The following ENTPD7 variants were observed in gnomAD, a reference collection of about 807,000 sequenced individuals.
ENTPD7 encodes NTPDase 7.
ENTPD7 carries 53 observed loss-of-function variants against 77.9 expected under a neutral mutation model. The ratio of observed to expected loss-of-function variants is 0.68; its 90% CI spans 0.55 to 0.85. The LOEUF is 0.85. ENTPD7 is among the 40% of genes least tolerant of loss of function. The pLI is 0.00. For synonymous variants in ENTPD7, 248 were observed against 274.9 expected, an observed-to-expected ratio of 0.90 and a Z score of 0.97; for missense variants, 636 against 743.7, an observed-to-expected ratio of 0.86 and a Z score of 1.68.
Position 99,704,432 on chromosome 10 carries a change from A to G in ENTPD7, c.1584-20A>G, listed in dbSNP as rs1564638012. ...AACTTAACAGTTTTTTCCACCTACA[A>G]ATTCTTAATTCTTCCCTAGGGATCT... On this transcript the variant is annotated intron_variant, in intron 12 of 12. Coordinates refer to ENST00000370489, the MANE Select transcript of ENTPD7 (RefSeq NM_020354.5). 6.2e-7 allele frequency: 1 copy of G among 1,613,506 alleles called. No individual in the cohort carries two copies. The highest frequency in any genetic ancestry group is 8.5e-7 in the Non-Finnish European group (1 of 1,179,524).
At chr10:99,679,128 G>C in intron 3 of ENTPD7, 133 bp from the exon 4 acceptor site, 1 of 765,044 alleles carries the variant, frequency 1.3e-6, no homozygotes, top group East Asian at 2.7e-5. Flanking sequence ...TTCACTCATT[G>C]GTTAGGACTG....
chr10:99,665,358 C>G (rs563126963), intron 3 of ENTPD7, among the ~76,000 whole-genome samples: 1 of 152,284 alleles, frequency 6.6e-6, no homozygotes, highest in African/African-American at 2.4e-5. Flanking sequence ...CCATGACTCT[C>G]TTCTAAGAAT....
intron 3 of ENTPD7, among the ~76,000 whole-genome samples, chr10:99,678,139 C>A (rs554070877): frequency 3.9e-5 from 6 of 152,058 alleles, no homozygotes; most frequent in African/African-American, 9.6e-5. Context: ...ATTCTTTATA[C>A]CCTATACATA....
chr10:99,687,415 G>A (rs190465339), intron 6 of ENTPD7, among the ~76,000 whole-genome samples: 265 of 151,626 alleles, frequency 1.7e-3, no homozygotes, highest in Non-Finnish European at 2.9e-3. Flanking sequence ...ATAGGCGTGT[G>A]CCACCACGCC....
At chr10:99,679,175 G>A in intron 3 of ENTPD7, 86 bp from the exon 4 acceptor site, 1 of 1,318,794 alleles carries the variant, frequency 7.6e-7, no homozygotes, top group Admixed American at 2.0e-5. Flanking sequence ...GGCACTTAAT[G>A]AAGATTCATG....
chr10:99,679,569 T>G, intron 4 of ENTPD7, 103 bp downstream of exon 4: 1 of 1,433,064 alleles, frequency 7.0e-7, no homozygotes, highest in Non-Finnish European at 9.4e-7. Context: ...AGAGTCTGGG[T>G]AATGGGAGGG....
intron 3 of ENTPD7, among the ~76,000 whole-genome samples, chr10:99,662,317 C>T (rs1188293593): frequency 6.6e-6 from 1 of 151,872 alleles, no homozygotes; most frequent in East Asian, 1.9e-4. Flanking sequence ...CTCATGTTGG[C>T]TTATTAGATA....
chr10:99,698,470 T>C (rs1429931219), intron 9 of ENTPD7, 64 bp from the exon 10 acceptor site: 2 of 1,492,040 alleles, frequency 1.3e-6, no homozygotes, highest in African/African-American at 2.8e-5. Flanking sequence ...ATTGTGTTTC[T>C]TAGACTAGGT....
At chr10:99,687,315 G>A (rs990221318) in intron 6 of ENTPD7, among the ~76,000 whole-genome samples, 2 of 107,556 alleles carry the variant, frequency 1.9e-5, no homozygotes, top group Non-Finnish European at 3.4e-5. Flanking sequence ...CATCCAGACT[G>A]GAGTGCAGTG....
chr10:99,668,589 G>C (rs532338912), intron 3 of ENTPD7, among the ~76,000 whole-genome samples: 1 of 152,172 alleles, frequency 6.6e-6, no homozygotes, highest in East Asian at 1.9e-4. Flanking sequence ...GGAATGTCAG[G>C]TGCATTGATT....
intron 12 of ENTPD7, among the ~76,000 whole-genome samples, chr10:99,702,986 A>G (rs559716628): frequency 1.3e-5 from 2 of 152,312 alleles, no homozygotes; most frequent in African/African-American, 2.4e-5. Context: ...CACTTCCAAG[A>G]TACTGACAAG....
intron 3 of ENTPD7, 112 bp downstream of exon 3, chr10:99,661,740 G>A: frequency 1.1e-6 from 1 of 927,708 alleles, no homozygotes; most frequent in Non-Finnish European, 1.5e-6. Context: ...TAGTAAAATT[G>A]CATGCCATTT....
intron 8 of ENTPD7, among the ~76,000 whole-genome samples, chr10:99,692,697 G>C (rs2035902569): frequency 1.3e-5 from 2 of 152,162 alleles, no homozygotes; most frequent in Non-Finnish European, 2.9e-5. Flanking sequence ...AGACTGGGAA[G>C]ATAAGATGGA....
At chr10:99,680,667 A>G (rs765100664) in intron 5 of ENTPD7, among the ~76,000 whole-genome samples, 9 of 151,494 alleles carry the variant, frequency 5.9e-5, no homozygotes, top group Non-Finnish European at 1.3e-4. Context: ...GCTCACTTCA[A>G]CCTCTGCCCC....
rs1437055481 is a variant in ENTPD7 at position 99,695,944 on chromosome 10, A to T, written c.844-12A>T. ...ACTAAAATTCCCTTTTTCTCTTGGTATTGTATTATAGGAAGAAGCTGCCAA... is the reference window on the plus strand; with the variant it reads ...ACTAAAATTCCCTTTTTCTCTTGGTTTTGTATTATAGGAAGAAGCTGCCAA... On this transcript the variant is annotated splice_polypyrimidine_tract_variant and intron_variant, in intron 8 of 12. Coordinates refer to ENST00000370489, the MANE Select transcript of ENTPD7 (RefSeq NM_020354.5). 2.5e-6 allele frequency: 4 copies of T among 1,599,572 alleles called. No individual in the cohort carries two copies. The highest frequency in any genetic ancestry group is 3.5e-5 in the Admixed American group (2 of 56,344).
chr10:99,674,526 C>A (rs771914734), intron 3 of ENTPD7, among the ~76,000 whole-genome samples: 17 of 152,198 alleles, frequency 1.1e-4, no homozygotes, highest in Non-Finnish European at 2.1e-4. Context: ...ACTTTAGATA[C>A]CTCATATAGG....
At chr10:99,690,476 A>G (rs2035866471) in intron 7 of ENTPD7, among the ~76,000 whole-genome samples, 1 of 152,000 alleles carries the variant, frequency 6.6e-6, no homozygotes, top group African/African-American at 2.4e-5. Context: ...TTGTTCTGTT[A>G]TGCTGAATCT....
chr10:99,701,345 T>C (rs529684665), intron 11 of ENTPD7, among the ~76,000 whole-genome samples: 5 of 151,736 alleles, frequency 3.3e-5, no homozygotes, highest in African/African-American at 1.2e-4. Flanking sequence ...TGGAGTGCAG[T>C]GGCATGATCT....
rs1181065342 is a variant in ENTPD7 at position 99,704,588 on chromosome 10, C to T, written c.1720C>T (p.Arg574Ter). 19 of 1,614,150 alleles carry T rather than the reference C, an allele frequency of 1.2e-5. No individual in the cohort carries two copies. The highest frequency in any genetic ancestry group is 2.2e-5 in the East Asian group (1 of 44,874). ...CTTCCTATACCTTCTGCGGCTACGC[C>T]GAATTCACCACCGACAAACACGAGC... ...AIFLYLLRLR[R>*]IHHRQTRASA... Residue 574 changes from arginine to a stop codon, truncating the protein, a stop_gained, in exon 13 of 13, where the codon CGA (arginine) becomes TGA (stop). Coordinates refer to ENST00000370489, the MANE Select transcript of ENTPD7 (RefSeq NM_020354.5). LOFTEE classifies it high-confidence loss of function.
Sources: gnomAD v4.1 joint callset for allele counts (sites outside exome capture counted in the v4.1 genomes callset) on GRCh38, gnomAD v4.1.1 for gene constraint, MANE v1.5 for transcripts, NCBI Gene and HGNC (gene_info 2026-07-23, HGNC 2026-07-21) for gene names.